CMSS1: variants seen among roughly 807,000 people sequenced by gnomAD.
CMSS1 encodes the protein cms1 ribosomal small subunit homolog, also known as protein CMSS1.
In CMSS1, 33 loss-of-function variants were observed where a neutral mutation model predicts 43.5. That is an observed-to-expected ratio of 0.76 (90% CI 0.57 to 1.01). The LOEUF (loss-of-function observed/expected upper bound fraction) is 1.01. Among genes scored for constraint, CMSS1 ranks in the 50% least tolerant of loss-of-function variants. The pLI, the probability that CMSS1 is intolerant of heterozygous loss-of-function variation, is 0.00. For synonymous variants in CMSS1, 115 were observed against 117.2 expected (o/e 0.98, Z 0.12); for missense variants, 313 against 326.4 (o/e 0.96, Z 0.32).
chr3:99,866,459 C>G (rs897532907), intron 1 of CMSS1, among the ~76,000 whole-genome samples: 4 of 152,164 alleles, frequency 2.6e-5, no homozygotes, highest in African/African-American at 9.7e-5. Context: ...ACTGAAGTCA[C>G]AGTTTGCCAT....
chr3:100,027,953 A>G (rs562224357), intron 1 of CMSS1, among the ~76,000 whole-genome samples: 2 of 152,284 alleles, frequency 1.3e-5, no homozygotes, highest in Admixed American at 6.5e-5. Context: ...GACCATGGTA[A>G]GGAGTTTGAA....
intron 1 of CMSS1, among the ~76,000 whole-genome samples, chr3:100,077,203 G>A (rs1172252016): frequency 4.6e-5 from 7 of 152,216 alleles, no homozygotes; most frequent in Non-Finnish European, 8.8e-5. Flanking sequence ...CATGTTGCTC[G>A]TAGGTTCCAA....
intron 6 of CMSS1, among the ~76,000 whole-genome samples, chr3:100,171,061 G>A (rs2067105731): frequency 6.6e-6 from 1 of 151,954 alleles, no homozygotes; most frequent in Admixed American, 6.6e-5. Flanking sequence ...ACCCCTTTAC[G>A]GGGGGCATCA....
rs1462928214 is a variant in CMSS1, at chr3:99,845,820, A to T, written c.64+27777A>T. Among the ~76,000 whole-genome samples, 5 of 152,252 alleles carry T rather than the reference A, an allele frequency of 3.3e-5. 1 individual carries two copies. The highest frequency in any genetic ancestry group is 9.6e-5 in the African/African-American group (4 of 41,506). On this transcript the variant is annotated intron_variant, in intron 1 of 9. Coordinates refer to ENST00000421999, the MANE Select transcript of CMSS1 (RefSeq NM_032359.4). Reference sequence around the variant, plus strand: ...AATCTGTCTCCTAAAATTTATTTTGATGCTGATACAAATTATTATACTGAA... The same window carrying T: ...AATCTGTCTCCTAAAATTTATTTTGTTGCTGATACAAATTATTATACTGAA...
In CMSS1 at chr3:100,020,243, T is replaced by C. The variant is rs146050982; in HGVS notation, c.65-126730T>C. 4.5e-3 allele frequency among the ~76,000 whole-genome samples: 684 copies of C among 152,312 alleles called. 7 individuals carry two copies. Among genetic ancestry groups the C allele is most frequent in the African/African-American group, 0.016 (670 of 41,550 alleles). Reference sequence around the variant, plus strand: ...TCTGTTTCACATAATTCTTTGCAATTTACTTCACTATTCTGCAAATAAATC... The same window carrying C: ...TCTGTTTCACATAATTCTTTGCAATCTACTTCACTATTCTGCAAATAAATC... On this transcript the variant is annotated intron_variant, in intron 1 of 9. Coordinates refer to ENST00000421999, the MANE Select transcript of CMSS1 (RefSeq NM_032359.4).
chr3:100,002,292 T>C (rs1187156314), intron 1 of CMSS1, among the ~76,000 whole-genome samples: 2 of 152,242 alleles, frequency 1.3e-5, no homozygotes, highest in Non-Finnish European at 2.9e-5. Flanking sequence ...GAATTTTTTG[T>C]ACCTTCAAAA....
rs558007162 is a variant in CMSS1, at chr3:99,898,941, A to G, written c.64+80898A>G. ...CTAATCGAAGTTTAGCTTTATTTCA[A>G]ACTACTCTCTTATTAGATACTTATT... On this transcript the variant is annotated intron_variant, in intron 1 of 9. Transcript: ENST00000421999. Among the ~76,000 whole-genome samples the G allele has an allele frequency of 3.4e-4, 52 of 152,278 alleles. No individual in the cohort carries two copies. In the South Asian group the frequency reaches 8.9e-3, roughly 26 times the overall value.
At chr3:100,164,595 A>C (rs1438116153) in intron 4 of CMSS1, among the ~76,000 whole-genome samples, 1 of 152,188 alleles carries the variant, frequency 6.6e-6, no homozygotes, top group Non-Finnish European at 1.5e-5. Context: ...TAAAAAAATT[A>C]GGCCATTTAA....
intron 1 of CMSS1, among the ~76,000 whole-genome samples, chr3:100,061,352 G>A (rs2065562769): frequency 6.6e-6 from 1 of 152,314 alleles, no homozygotes; most frequent in East Asian, 1.9e-4. Context: ...ATCTTCACAG[G>A]TGGTTGAGGA....
At chr3:100,022,253 C>T (rs2064839428) in intron 1 of CMSS1, among the ~76,000 whole-genome samples, 2 of 152,122 alleles carry the variant, frequency 1.3e-5, no homozygotes, top group South Asian at 4.1e-4. Context: ...CAGTTCTGTC[C>T]TGAAGAAAAG....
At chr3:100,139,563 GTGTA>G (rs1274363359) in intron 1 of CMSS1, among the ~76,000 whole-genome samples, 10 of 133,308 alleles carry the variant, frequency 7.5e-5, no homozygotes, top group African/African-American at 2.2e-4. Context: ...GTGTGTGTGT[GTGTA>G]TGTATATATA....
chr3:99,948,683 AGAG>A (rs941435517), intron 1 of CMSS1, among the ~76,000 whole-genome samples: 33 of 150,030 alleles, frequency 2.2e-4, no homozygotes, highest in South Asian at 1.5e-3. Flanking sequence ...AGGAAGAAGA[AGAG>A]GAGAAAGGAG....
chr3:99,980,234 T>C (rs754367389), intron 1 of CMSS1, among the ~76,000 whole-genome samples: 2 of 152,130 alleles, frequency 1.3e-5, no homozygotes, highest in Non-Finnish European at 2.9e-5. Context: ...TGGTGCCAAA[T>C]TGGCCTGGGT....
At chr3:99,846,939 A>G (rs1943391889) in intron 1 of CMSS1, among the ~76,000 whole-genome samples, 2 of 152,208 alleles carry the variant, frequency 1.3e-5, no homozygotes. Context: ...CTTGGGGACC[A>G]TACTTGTAAT....
intron 1 of CMSS1, among the ~76,000 whole-genome samples, chr3:100,059,236 T>A (rs1380328806): frequency 1.3e-5 from 2 of 152,228 alleles, no homozygotes; most frequent in African/African-American, 4.8e-5. Flanking sequence ...AGCTATCCTT[T>A]AAAAAATACA....
At chr3:100,002,367 C>T (rs1424001113) in intron 1 of CMSS1, among the ~76,000 whole-genome samples, 1 of 152,164 alleles carries the variant, frequency 6.6e-6, no homozygotes, top group African/African-American at 2.4e-5. Flanking sequence ...TCCCCTGATA[C>T]ACATTTGCTT....
At chr3:100,009,273 A>G (rs527262358) in intron 1 of CMSS1, among the ~76,000 whole-genome samples, 2 of 152,194 alleles carry the variant, frequency 1.3e-5, no homozygotes, top group East Asian at 3.9e-4. Context: ...AGTTCAATTT[A>G]TTTTCCTGTT....
In CMSS1 at chr3:100,028,174, C is replaced by G. The variant is rs191720123; in HGVS notation, c.65-118799C>G. ...TTTATACAGATTATTTTAGTTAATTCTTACATCATTCCATTGAGTTAAATG... is the reference window on the plus strand; with the variant it reads ...TTTATACAGATTATTTTAGTTAATTGTTACATCATTCCATTGAGTTAAATG... On this transcript the variant is annotated intron_variant, in intron 1 of 9. Transcript: ENST00000421999. Among the ~76,000 whole-genome samples the G allele has an allele frequency of 1.5e-4, 23 of 152,290 alleles. No homozygotes were observed. The East Asian group carries it at 3.7e-3, about 24-fold the overall frequency.
chr3:100,014,434 A>C (rs1218833639), intron 1 of CMSS1, among the ~76,000 whole-genome samples: 3 of 151,978 alleles, frequency 2.0e-5, no homozygotes, highest in African/African-American at 7.2e-5. Context: ...TTTCTGTAAT[A>C]GCTATTATAA....
Sources: allele counts gnomAD v4.1 joint callset (sites outside exome capture counted in the v4.1 genomes callset), GRCh38; gene constraint gnomAD v4.1.1; transcripts MANE v1.5; gene names NCBI Gene and HGNC (gene_info 2026-07-23, HGNC 2026-07-21).